Variants in SEMA3C observed in about 807,000 individuals in gnomAD.
The protein encoded by SEMA3C is semaphorin-3C.
SEMA3C carries 47 observed loss-of-function variants against 89.4 expected under a neutral mutation model. The ratio of observed to expected loss-of-function variants is 0.53; its 90% CI spans 0.42 to 0.67. SEMA3C has a LOEUF of 0.67. Among genes scored for constraint, SEMA3C ranks in the 30% least tolerant of loss-of-function variants. SEMA3C has a pLI of 0.00. For synonymous variants in SEMA3C, 310 were observed against 320.2 expected (o/e 0.97, Z 0.34); for missense variants, 839 against 929.1 (o/e 0.90, Z 1.26).
At chr7:80,841,808 T>C (rs1157018664) in intron 2 of SEMA3C, among the ~76,000 whole-genome samples, 3 of 152,178 alleles carry the variant, frequency 2.0e-5, no homozygotes, top group Admixed American at 2.0e-4. Flanking sequence ...GCCCAGACTT[T>C]ATGAACAAAG....
intron 2 of SEMA3C, among the ~76,000 whole-genome samples, chr7:80,873,745 T>A (rs1282249086): frequency 1.3e-5 from 2 of 152,196 alleles, no homozygotes; most frequent in Non-Finnish European, 2.9e-5. Flanking sequence ...TTAAGTGAAA[T>A]GAGAAAATCT....
intron 2 of SEMA3C, among the ~76,000 whole-genome samples, chr7:80,891,357 T>A (rs1409429503): frequency 6.6e-6 from 1 of 152,138 alleles, no homozygotes; most frequent in African/African-American, 2.4e-5. Context: ...ACTCACTCCT[T>A]ATCCCTCCCT....
intron 4 of SEMA3C, among the ~76,000 whole-genome samples, chr7:80,819,380 A>C (rs1413272231): frequency 6.6e-6 from 1 of 152,206 alleles, no homozygotes; most frequent in Non-Finnish European, 1.5e-5. Context: ...TACCTGAGAA[A>C]GTTTACAAAT....
intron 2 of SEMA3C, among the ~76,000 whole-genome samples, chr7:80,883,208 A>T (rs1791393868): frequency 6.6e-6 from 1 of 152,218 alleles, no homozygotes; most frequent in Non-Finnish European, 1.5e-5. Flanking sequence ...TCATTAACAA[A>T]TAATTATACC....
At chr7:80,907,826 G>A (rs769710213) in intron 2 of SEMA3C, among the ~76,000 whole-genome samples, 7 of 151,768 alleles carry the variant, frequency 4.6e-5, no homozygotes, top group East Asian at 3.9e-4. Flanking sequence ...GATAACTAGC[G>A]TACATCTATC....
chr7:80,863,931 A>G (rs1306686343), intron 2 of SEMA3C, among the ~76,000 whole-genome samples: 1 of 126,670 alleles, frequency 7.9e-6, no homozygotes, highest in African/African-American at 3.5e-5. Flanking sequence ...TATCATATAT[A>G]TCACATATAT....
chr7:80,891,829 A>G (rs1791620653), intron 2 of SEMA3C, among the ~76,000 whole-genome samples: 1 of 152,102 alleles, frequency 6.6e-6, no homozygotes, highest in Admixed American at 6.5e-5. Context: ...CCCTAAATGA[A>G]GATTGTTTTT....
At chr7:80,864,405 T>C (rs1274275947) in intron 2 of SEMA3C, among the ~76,000 whole-genome samples, 2 of 151,930 alleles carry the variant, frequency 1.3e-5, no homozygotes, top group East Asian at 1.9e-4. Context: ...ATAAAAAATA[T>C]AAAAAAGTAA....
intron 12 of SEMA3C, among the ~76,000 whole-genome samples, chr7:80,785,010 T>G (rs956897052): frequency 4.6e-5 from 7 of 152,030 alleles, no homozygotes; most frequent in African/African-American, 1.7e-4. Context: ...CCTTCCTTAC[T>G]TCCTCTTTCC....
At chr7:80,775,885 A>T (rs548133109) in intron 12 of SEMA3C, among the ~76,000 whole-genome samples, 51 of 152,048 alleles carry the variant, frequency 3.4e-4, no homozygotes, top group East Asian at 2.9e-3. Flanking sequence ...TCCTTTTTTT[A>T]AAAAAAATTA....
chr7:80,814,871 C>T (rs1326555624), intron 5 of SEMA3C, among the ~76,000 whole-genome samples: 4 of 152,132 alleles, frequency 2.6e-5, no homozygotes, highest in East Asian at 1.9e-4. Context: ...CTGAGTACAA[C>T]GATCTCTTTT....
At chr7:80,870,836 A>T (rs541731438) in intron 2 of SEMA3C, among the ~76,000 whole-genome samples, 1 of 152,148 alleles carries the variant, frequency 6.6e-6, no homozygotes, top group Non-Finnish European at 1.5e-5. Context: ...GAGTTTAGAC[A>T]CTTGTGCCTT....
chr7:80,918,100 C>A (rs1316982142), intron 1 of SEMA3C, among the ~76,000 whole-genome samples: 1 of 152,168 alleles, frequency 6.6e-6, no homozygotes, highest in Admixed American at 6.5e-5. Context: ...GCTTCCACAA[C>A]CTCTTCACCC....
At chr7:80,832,956 G>A (rs980211992) in intron 2 of SEMA3C, among the ~76,000 whole-genome samples, 10 of 152,132 alleles carry the variant, frequency 6.6e-5, no homozygotes, top group African/African-American at 1.9e-4. Flanking sequence ...TTTCTATCAT[G>A]AAGAAAGTTT....
intron 2 of SEMA3C, among the ~76,000 whole-genome samples, chr7:80,880,215 G>A (rs985644899): frequency 2.0e-5 from 3 of 152,090 alleles, no homozygotes; most frequent in Non-Finnish European, 4.4e-5. Context: ...ACCACAGTCT[G>A]CCCTTTCCCC....
chr7:80,842,914 G>C (rs1562901606), intron 2 of SEMA3C, among the ~76,000 whole-genome samples: 1 of 152,096 alleles, frequency 6.6e-6, no homozygotes, highest in Non-Finnish European at 1.5e-5. Context: ...TGCAAGCTTT[G>C]TTACTTCATC....
At position 80,744,855 on chromosome 7, in the gene SEMA3C, C is replaced by T. The variant is rs753404356; in HGVS notation, c.*39G>A. ...CAAAATTTGATCATTGAAGACAGAG[C>T]ATTTGTTAATGGAAGCATAAGACCC... On this transcript the variant is annotated 3_prime_UTR_variant, in exon 18 of 18. Transcript: ENST00000265361. 6.2e-7 allele frequency: 1 copy of T among 1,605,562 alleles called. No individual in the cohort carries two copies. The highest frequency in any genetic ancestry group is 1.3e-5 in the African/African-American group (1 of 74,582).
intron 2 of SEMA3C, 79 bp downstream of exon 2, chr7:80,916,600 C>G: frequency 1.5e-6 from 2 of 1,321,144 alleles, no homozygotes. Flanking sequence ...TATTTATACT[C>G]TTAATTTCTG....
chr7:80,845,106 C>T (rs1790359425), intron 2 of SEMA3C, among the ~76,000 whole-genome samples: 1 of 152,140 alleles, frequency 6.6e-6, no homozygotes, highest in Non-Finnish European at 1.5e-5. Flanking sequence ...TCTCCCCCTC[C>T]ACTGTTTACA....
Sources: gnomAD v4.1 joint callset for allele counts (sites outside exome capture counted in the v4.1 genomes callset) on GRCh38, gnomAD v4.1.1 for gene constraint, MANE v1.5 for transcripts, NCBI Gene and HGNC (gene_info 2026-07-23, HGNC 2026-07-21) for gene names.